C19orf18: variants seen among roughly 807,000 people sequenced by gnomAD.
The protein encoded by C19orf18 is uncharacterized protein C19orf18.
C19orf18 carries 21 observed loss-of-function variants against 23.3 expected under a neutral mutation model. That is an observed-to-expected ratio of 0.90 (90% confidence interval 0.64 to 1.30). The LOEUF (loss-of-function observed/expected upper bound fraction) is 1.30. Ranked by LOEUF, C19orf18 falls within the 50% of genes most tolerant of loss-of-function variation. The pLI is 0.00. For synonymous variants in C19orf18, 96 were observed against 95.2 expected, an observed-to-expected ratio of 1.01 and a Z score of -0.05; for missense variants, 249 against 259.6, an observed-to-expected ratio of 0.96 and a Z score of 0.28.
intron 4 of C19orf18, among the ~76,000 whole-genome samples, chr19:57,965,259 C>G (rs2072900904): frequency 6.6e-6 from 1 of 152,074 alleles, no homozygotes. Context: ...CCCAGCCTCC[C>G]AAGTAGCTGG....
intron 3 of C19orf18, among the ~76,000 whole-genome samples, chr19:57,969,735 C>CT (rs1162339881): frequency 6.6e-6 from 1 of 151,548 alleles, no homozygotes; most frequent in African/African-American, 2.4e-5. Context: ...GGTGAAACCC[C>CT]ATCTCTGCTA....
chr19:57,963,134 C>A (rs957695857), intron 4 of C19orf18, among the ~76,000 whole-genome samples: 3 of 150,050 alleles, frequency 2.0e-5, no homozygotes, highest in African/African-American at 7.3e-5. Flanking sequence ...TCAAGTGATT[C>A]TCCTGTCTCA....
At chr19:57,968,745 T>A (rs2072924571) in intron 3 of C19orf18, among the ~76,000 whole-genome samples, 1 of 152,144 alleles carries the variant, frequency 6.6e-6, no homozygotes, top group African/African-American at 2.4e-5. Flanking sequence ...TTTTCCGTAT[T>A]CCTGATGCTC....
chr19:57,972,501 G>A lies in C19orf18; in HGVS notation c.230C>T (p.Ala77Val). The A allele has an allele frequency of 6.2e-7, 1 of 1,614,122 alleles. No individual in the cohort carries two copies. Among genetic ancestry groups the A allele is most frequent in the Non-Finnish European group, 8.5e-7 (1 of 1,179,950 alleles). ...GAATTTCATGGGGTTCGTAGGGGAT[G>A]CAGCTAAAAGGCCATCAAAGGGGAT... ...IQGAASRSTA[A>V]SPTNPMKFLR... is the part of the protein sequence containing the mutation. The change falls in exon 3 of 6, where the codon GCA (alanine) becomes GTA (valine). Residue 77 changes from alanine (A) to valine (V), a missense_variant. Coordinates refer to ENST00000314391, the MANE Select transcript of C19orf18 (RefSeq NM_152474.5).
At chr19:57,960,378 A>G (rs2072859021) in intron 5 of C19orf18, among the ~76,000 whole-genome samples, 2 of 150,380 alleles carry the variant, frequency 1.3e-5, no homozygotes, top group Admixed American at 6.7e-5. Context: ...GCGAGCTGAG[A>G]TCATGCCACT....
At chr19:57,972,110 C>T (rs1370939743) in intron 3 of C19orf18, among the ~76,000 whole-genome samples, 1 of 152,086 alleles carries the variant, frequency 6.6e-6, no homozygotes, top group Non-Finnish European at 1.5e-5. Flanking sequence ...GACTCTGAAG[C>T]GAGAGGTGTT....
At chr19:57,966,222 C>A (rs2072906672) in intron 4 of C19orf18, among the ~76,000 whole-genome samples, 1 of 152,110 alleles carries the variant, frequency 6.6e-6, no homozygotes, top group Non-Finnish European at 1.5e-5. Flanking sequence ...CATGATCCAC[C>A]CGCCTCGGCC....
intron 3 of C19orf18, among the ~76,000 whole-genome samples, chr19:57,971,052 A>G (rs1422564173): frequency 6.6e-6 from 1 of 152,146 alleles, no homozygotes; most frequent in African/African-American, 2.4e-5. Context: ...TGCTTTGGTG[A>G]TGGTGGTGTC....
chr19:57,972,346 T>G (rs1308556095), intron 3 of C19orf18, 117 bp downstream of exon 3: 19 of 1,242,122 alleles, frequency 1.5e-5, no homozygotes, highest in African/African-American at 4.5e-5. Context: ...CTAACACACA[T>G]GAAGGCACCA....
intron 2 of C19orf18, among the ~76,000 whole-genome samples, chr19:57,973,739 G>GA (rs1383503430): frequency 2.1e-5 from 3 of 143,376 alleles, no homozygotes; most frequent in East Asian, 2.0e-4. Flanking sequence ...AAAAAAAAAA[G>GA]AAAAAAAAGA....
intron 4 of C19orf18, among the ~76,000 whole-genome samples, chr19:57,962,141 C>T (rs895034607): frequency 6.6e-6 from 1 of 151,838 alleles, no homozygotes; most frequent in East Asian, 1.9e-4. Flanking sequence ...AACAGTCTTA[C>T]CTGCTCAGCC....
chr19:57,961,634 A>G (rs1223895651), intron 4 of C19orf18, 83 bp from the exon 5 acceptor site: 1 of 1,501,664 alleles, frequency 6.7e-7, no homozygotes, highest in Non-Finnish European at 9.1e-7. Context: ...TTTTGACAGG[A>G]AAGGAGTCGC....
At chr19:57,959,507 C>T (rs1388202483) in intron 5 of C19orf18, among the ~76,000 whole-genome samples, 2 of 151,966 alleles carry the variant, frequency 1.3e-5, no homozygotes, top group Admixed American at 1.3e-4. Context: ...TGCCTGTAAT[C>T]CCAGCTACTC....
intron 2 of C19orf18, among the ~76,000 whole-genome samples, 193 bp downstream of exon 2, chr19:57,973,906 G>A (rs2072964708): frequency 1.3e-5 from 2 of 151,958 alleles, no homozygotes; most frequent in South Asian, 2.1e-4. Context: ...GAAGAAAGTG[G>A]CAATCCCTAA....
intron 3 of C19orf18, among the ~76,000 whole-genome samples, chr19:57,971,908 T>C (rs572921858): frequency 6.6e-6 from 1 of 152,328 alleles, no homozygotes; most frequent in South Asian, 2.1e-4. Context: ...TTTCTGTGTC[T>C]GCATGTCTCA....
Position 57,961,518 on chromosome 19 carries a change from G to A in C19orf18, c.405C>T (p.Leu135=), listed in dbSNP as rs372450511. Residue 135 remains leucine, a synonymous_variant, in exon 5 of 6, where the codon CTC becomes CTT. Transcript: ENST00000314391. The part of the protein sequence containing the change: ...RLAQAEERQQ[L]ESLYKNLRIP... ...TCCTGAGGTTCTTATAAAGTGACTC[G>A]AGCTGTTGTCTTTCCTCAGCCTGTG... The A allele has an allele frequency of 1.5e-5, 24 of 1,613,744 alleles. No individual in the cohort carries two copies. The highest frequency in any genetic ancestry group is 2.2e-5 in the East Asian group (1 of 44,880).
chr19:57,972,273 G>C (rs996901969), intron 3 of C19orf18, among the ~76,000 whole-genome samples, 190 bp downstream of exon 3: 1 of 152,244 alleles, frequency 6.6e-6, no homozygotes, highest in Non-Finnish European at 1.5e-5. Context: ...GTGGAGTTGA[G>C]CCACCTTCTC....
chr19:57,961,282 A>G (rs1374789417), intron 5 of C19orf18, 109 bp downstream of exon 5: 11 of 1,132,450 alleles, frequency 9.7e-6, no homozygotes, highest in Non-Finnish European at 1.4e-5. Flanking sequence ...AAGAAAGGAA[A>G]GAAAGAAAGA....
rs2072870718 is a variant in C19orf18, at chr19:57,961,352, C to A, written c.532+39G>T. On this transcript the variant is annotated intron_variant, in intron 5 of 5. Transcript: ENST00000314391. ...AAGAAACGCAAGCTGCCGCTGCCAG[C>A]TTGGCTTTCCTGCGAATAGCTCTTA... is the stretch of plus-strand genomic sequence containing the variant. The A allele has an allele frequency of 2.0e-6, 3 of 1,537,826 alleles. No homozygotes were observed. In the South Asian group the frequency reaches 3.7e-5, roughly 19 times the overall value.
Sources: allele counts gnomAD v4.1 joint callset (sites outside exome capture counted in the v4.1 genomes callset), GRCh38; gene constraint gnomAD v4.1.1; transcripts MANE v1.5; gene names NCBI Gene and HGNC (gene_info 2026-07-23, HGNC 2026-07-21).